Variants in RUNDC1 observed in about 807,000 individuals in gnomAD.
RUNDC1 encodes the protein RUN domain-containing protein 1.
RUNDC1 carries 31 observed loss-of-function variants against 49.3 expected under a neutral mutation model. The ratio of observed to expected loss-of-function variants is 0.63; its 90% CI spans 0.47 to 0.85. The LOEUF (loss-of-function observed/expected upper bound fraction) is 0.85, where lower values mean the gene tolerates loss of function less well. Among genes scored for constraint, RUNDC1 ranks in the 40% least tolerant of loss-of-function variants. RUNDC1 has a pLI of 0.00. For missense variants in RUNDC1, 715 were observed against 806.7 expected, an observed-to-expected ratio of 0.89 and a Z score of 1.38; for synonymous variants, 347 against 348.6, an observed-to-expected ratio of 1.00 and a Z score of 0.05.
intron 1 of RUNDC1, among the ~76,000 whole-genome samples, chr17:42,984,436 A>G (rs191723703): frequency 2.0e-5 from 3 of 151,988 alleles, no homozygotes; most frequent in Non-Finnish European, 2.9e-5. Flanking sequence ...ATGTGCCACT[A>G]TCCCCGGCTA....
rs756432986 is a variant in RUNDC1 at position 42,981,005 on chromosome 17, C to T, written c.429C>T (p.Pro143=). ...GCPHVLGYEG[P]GDPASDEGDG... ...CTCACGTCCTAGGTTACGAAGGGCC[C>T]GGCGACCCCGCCAGCGATGAGGGCG... The change falls in exon 1 of 5, where the codon CCC becomes CCT. Residue 143 remains proline, a synonymous_variant. Coordinates refer to ENST00000361677, the MANE Select transcript of RUNDC1 (RefSeq NM_173079.5). The T allele has an allele frequency of 7.5e-5, 116 of 1,545,568 alleles. No homozygotes were observed. The highest frequency in any genetic ancestry group is 9.7e-5 in the Non-Finnish European group (112 of 1,152,058).
chr17:42,994,075 C>T lies in RUNDC1; in HGVS notation c.*2359C>T, dbSNP rs1456825797. ...GTTTCACCACATTTGTCAGGCTAGTCTCGAACTCCTGACCTCAGGTGATCC... is the reference window on the plus strand; with the variant it reads ...GTTTCACCACATTTGTCAGGCTAGTTTCGAACTCCTGACCTCAGGTGATCC... On this transcript the variant is annotated 3_prime_UTR_variant, in exon 5 of 5. Coordinates refer to ENST00000361677, the MANE Select transcript of RUNDC1 (RefSeq NM_173079.5). Among the ~76,000 whole-genome samples, 1 of 152,196 alleles carries T rather than the reference C, an allele frequency of 6.6e-6. No homozygotes were observed. The highest frequency in any genetic ancestry group is 2.4e-5 in the African/African-American group (1 of 41,440).
At position 42,991,008 on chromosome 17, in the gene RUNDC1, C is replaced by T; in HGVS notation, c.1134C>T (p.Tyr378=). Residue 378 remains tyrosine (Y), a synonymous_variant, in exon 5 of 5, where the codon TAC becomes TAT. Coordinates refer to ENST00000361677, the MANE Select transcript of RUNDC1 (RefSeq NM_173079.5). ...LWQRVQADRD[Y]SPLLKRLEVS... is the part of the protein sequence containing the mutation. ...AGAGGGTCCAGGCTGACAGAGACTA[C>T]TCTCCCTTGCTGAAGAGGCTGGAGG... 3 of 1,614,172 alleles carry T rather than the reference C, an allele frequency of 1.9e-6. No homozygotes were observed. Among genetic ancestry groups the T allele is most frequent in the Non-Finnish European group, 2.5e-6 (3 of 1,180,010 alleles).
chr17:42,988,530 G>A (rs1456120448), intron 2 of RUNDC1, among the ~76,000 whole-genome samples: 3 of 152,104 alleles, frequency 2.0e-5, no homozygotes, highest in Non-Finnish European at 2.9e-5. Context: ...TGGGGTTACA[G>A]ATGTGAGCCA....
intron 1 of RUNDC1, among the ~76,000 whole-genome samples, chr17:42,986,563 T>A (rs1181863430): frequency 6.6e-6 from 1 of 152,002 alleles, no homozygotes; most frequent in Non-Finnish European, 1.5e-5. Context: ...AGTGGCGCGA[T>A]CTCTGCTCAC....
chr17:42,987,238 A>G lies in RUNDC1; in HGVS notation c.499-18A>G, dbSNP rs545853395. 3.1e-6 allele frequency: 5 copies of G among 1,612,976 alleles called. No homozygotes were observed. Among genetic ancestry groups the G allele is most frequent in the African/African-American group, 2.7e-5 (2 of 74,990 alleles). ...TCCCTTTGCCTGCATAATAGACCCA[A>G]TTATTTTCTTGCCTTAGAGTGAGCA... On this transcript the variant is annotated intron_variant, in intron 1 of 4. Coordinates refer to ENST00000361677, the MANE Select transcript of RUNDC1 (RefSeq NM_173079.5).
intron 1 of RUNDC1, among the ~76,000 whole-genome samples, chr17:42,986,609 T>G (rs2050175418): frequency 3.3e-5 from 5 of 152,090 alleles, no homozygotes; most frequent in Admixed American, 3.3e-4. Context: ...GCCATCCTCC[T>G]GCTTCAGCCT....
At chr17:42,990,184 A>G (rs1031534348) in intron 3 of RUNDC1, 133 bp from the exon 4 acceptor site, 44 of 1,216,436 alleles carry the variant, frequency 3.6e-5, no homozygotes, top group Admixed American at 2.1e-4. Flanking sequence ...GCCAGTCCTC[A>G]TTTTACACAA....
At chr17:42,985,635 T>A in intron 1 of RUNDC1, 1 of 47,836 alleles carries the variant, frequency 2.1e-5, no homozygotes, top group Non-Finnish European at 4.1e-5. Flanking sequence ...TTCTCTCTCA[T>A]TACTTACTTC....
At chr17:42,987,981 A>G (rs1036107840) in intron 2 of RUNDC1, among the ~76,000 whole-genome samples, 4 of 152,068 alleles carry the variant, frequency 2.6e-5, no homozygotes, top group Non-Finnish European at 5.9e-5. Flanking sequence ...CGAACTCCCA[A>G]CCTCAGGTGA....
chr17:42,987,541 A>G lies in RUNDC1; in HGVS notation c.657+127A>G, dbSNP rs1002887410. 5.5e-5 allele frequency: 46 copies of G among 833,550 alleles called. No individual in the cohort carries two copies. In the East Asian group the frequency reaches 8.2e-4, roughly 15 times the overall value. The allele number at this position is 833,550 out of a possible 1,614,324, so 51.6% of individuals were successfully genotyped here. A position where few individuals can be genotyped will look rare whatever the true frequency, so the allele number is the denominator to read the frequency against. Reference sequence around the variant, plus strand: ...ACTGAGAATCCCTCTGCTGGCCCAAATCAAAGGGAAATTTTACTGCTATGA... The same window carrying G: ...ACTGAGAATCCCTCTGCTGGCCCAAGTCAAAGGGAAATTTTACTGCTATGA... On this transcript the variant is annotated intron_variant, in intron 2 of 4. Transcript: ENST00000361677.
chr17:42,990,360 G>A lies in RUNDC1; in HGVS notation c.900G>A (p.Glu300=), dbSNP rs2050222111. ...SPLQTGGGHC[E]CKAGGKTGNG... is the part of the protein sequence containing the mutation. ...TGCAGACAGGTGGTGGACACTGTGA[G>A]TGCAAGGCCGGTGGGAAGACAGGAA... is the stretch of plus-strand genomic sequence containing the variant. The change falls in exon 4 of 5, where the codon GAG becomes GAA. Residue 300 remains glutamate, a synonymous_variant. Coordinates refer to ENST00000361677, the MANE Select transcript of RUNDC1 (RefSeq NM_173079.5). The A allele has an allele frequency of 3.1e-6, 5 of 1,614,136 alleles. No homozygotes were observed. The highest frequency in any genetic ancestry group is 4.2e-6 in the Non-Finnish European group (5 of 1,180,030).
chr17:42,991,592 G>A lies in RUNDC1; in HGVS notation c.1718G>A (p.Ser573Asn). ...ATCGAGCCTCACTACCAGCCCTGGAGCTACATGGCACACACAGGCTTTGAG... is the reference window on the plus strand; with the variant it reads ...ATCGAGCCTCACTACCAGCCCTGGAACTACATGGCACACACAGGCTTTGAG... ...SLIEPHYQPW[S>N]YMAHTGFESA... The change falls in exon 5 of 5, where the codon AGC becomes AAC. Residue 573 changes from serine to asparagine, a missense_variant. Transcript: ENST00000361677. 6.2e-7 allele frequency: 1 copy of A among 1,614,174 alleles called. No individual in the cohort carries two copies. Among genetic ancestry groups the A allele is most frequent in the Non-Finnish European group, 8.5e-7 (1 of 1,180,028 alleles).
Position 42,991,422 on chromosome 17 carries a change from A to G in RUNDC1, c.1548A>G (p.Leu516=). 1.9e-6 allele frequency: 3 copies of G among 1,614,202 alleles called. No homozygotes were observed. Among genetic ancestry groups the G allele is most frequent in the South Asian group, 2.2e-5 (2 of 91,084 alleles). ...CTGTTGTCACCCCCAAACAGAGCCT[A>G]CTGACAGCCATCCACATGGTGCTGA... ...GGTVVTPKQS[L]LTAIHMVLTE... The change falls in exon 5 of 5, where the codon CTA becomes CTG. Residue 516 remains leucine, a synonymous_variant. Coordinates refer to ENST00000361677, the MANE Select transcript of RUNDC1 (RefSeq NM_173079.5).
chr17:42,987,055 TAAAG>T (rs1317458470), intron 1 of RUNDC1, among the ~76,000 whole-genome samples, 197 bp from the exon 2 acceptor site: 1 of 152,210 alleles, frequency 6.6e-6, no homozygotes, highest in Non-Finnish European at 1.5e-5. Flanking sequence ...GATAGTTTCT[TAAAG>T]AAAACACCCA....
In RUNDC1 at chr17:42,991,423, C is replaced by T. The variant is rs747658188; in HGVS notation, c.1549C>T (p.Leu517=). 1 of 1,614,262 alleles carries T rather than the reference C, an allele frequency of 6.2e-7. No individual in the cohort carries two copies. Among genetic ancestry groups the T allele is most frequent in the Non-Finnish European group, 8.5e-7 (1 of 1,180,046 alleles). The change falls in exon 5 of 5, where the codon CTG becomes TTG. Residue 517 remains leucine, a synonymous_variant. Transcript: ENST00000361677. ...GTVVTPKQSL[L]TAIHMVLTEH... ...TGTTGTCACCCCCAAACAGAGCCTA[C>T]TGACAGCCATCCACATGGTGCTGAC...
rs1597749992 is a variant in RUNDC1 at position 42,980,939 on chromosome 17, C to T, written c.363C>T (p.Arg121=). 2 of 1,539,054 alleles carry T rather than the reference C, an allele frequency of 1.3e-6. No individual in the cohort carries two copies. The highest frequency in any genetic ancestry group is 1.2e-5 in the South Asian group (1 of 84,360). ...GCGGGGCGCCGGCGGAGCAGCAGCG[C>T]CTTCTGCGGGAGCTCGAAGACTTCG... is the stretch of plus-strand genomic sequence containing the variant. ...VVRGAPAEQQ[R]LLRELEDFAF... The change falls in exon 1 of 5, where the codon CGC becomes CGT. Residue 121 remains arginine, a synonymous_variant. Coordinates refer to ENST00000361677, the MANE Select transcript of RUNDC1 (RefSeq NM_173079.5).
rs2050064223 is a variant in RUNDC1 at position 42,980,709 on chromosome 17, G to C, written c.133G>C (p.Ala45Pro). 6.4e-7 allele frequency: 1 copy of C among 1,555,676 alleles called. No individual in the cohort carries two copies. Among genetic ancestry groups the C allele is most frequent in the African/African-American group, 1.4e-5 (1 of 73,240 alleles). The change falls in exon 1 of 5, where the codon GCG becomes CCG. Residue 45 changes from alanine to proline, a missense_variant. Ala to Pro is a conservative substitution (Grantham distance 27). Around this residue, in one of 5 missense-constraint regions of RUNDC1, gnomAD observed 153 missense variants for 139.4 expected, o/e 1.10. Transcript: ENST00000361677. ...CEAVRWAPVG[A>P]VAEARPGATA... ...GGCGGTGCGCTGGGCCCCAGTGGGGGCGGTGGCGGAGGCCCGGCCTGGGGC... is the reference window on the plus strand; with the variant it reads ...GGCGGTGCGCTGGGCCCCAGTGGGGCCGGTGGCGGAGGCCCGGCCTGGGGC...
chr17:42,986,036 A>G (rs925196615), intron 1 of RUNDC1, among the ~76,000 whole-genome samples: 5 of 151,600 alleles, frequency 3.3e-5, no homozygotes, highest in Admixed American at 1.3e-4. Context: ...GTCTTGCCCT[A>G]TTGCCCAGGC....
Sources: allele counts gnomAD v4.1 joint callset (sites outside exome capture counted in the v4.1 genomes callset), GRCh38; gene constraint gnomAD v4.1.1; regional missense constraint gnomAD v4.1.1; transcripts MANE v1.5; gene names NCBI Gene and HGNC (gene_info 2026-07-23, HGNC 2026-07-21).